MBD5: variants seen among roughly 807,000 people sequenced by gnomAD.
MBD5 encodes the protein methyl-CpG binding domain protein 5, also known as methyl-CpG-binding domain protein 5.
A neutral mutation model predicts 117.3 loss-of-function variants in MBD5; 13 were observed. That is an observed-to-expected ratio of 0.11 (90% CI 0.07 to 0.18). The LOEUF is 0.18. MBD5 is among the 10% of genes least tolerant of loss of function. MBD5 has a pLI of 1.00. For synonymous variants in MBD5, 727 were observed against 766.4 expected (o/e 0.95, Z 0.85); for missense variants, 1,879 against 2,093.8 (o/e 0.90, Z 2.00).
At chr2:148,327,140 T>C (rs1247581466) in intron 3 of MBD5, among the ~76,000 whole-genome samples, 1 of 152,094 alleles carries the variant, frequency 6.6e-6, no homozygotes. Flanking sequence ...AAAATTCTTT[T>C]CTTTAAGAAT....
Position 148,021,477 on chromosome 2 carries a change from GC to G in MBD5, c.-1131del. 1.7e-6 allele frequency: 1 copy of G among 578,708 alleles called. No individual in the cohort carries two copies. Among genetic ancestry groups the G allele is most frequent in the Non-Finnish European group, 3.3e-6 (1 of 300,524 alleles). The allele number at this position is 578,708 out of a possible 1,614,324, so 35.8% of individuals were successfully genotyped here. On this transcript the variant is annotated 5_prime_UTR_variant, in exon 1 of 14. Transcript: ENST00000642680. ...TGCTGCTGCTGTTGCTGCTGCTGCT[GC>G]TGTTGCTGCTGCTGCTGCTACTGCT...
chr2:148,413,003 G>A (rs930366318), intron 4 of MBD5, among the ~76,000 whole-genome samples: 5 of 152,040 alleles, frequency 3.3e-5, no homozygotes, highest in Non-Finnish European at 7.4e-5. Context: ...TGATCAATAG[G>A]AGTGGTGAGA....
chr2:148,129,667 A>G (rs1232541012), intron 1 of MBD5, among the ~76,000 whole-genome samples: 1 of 152,224 alleles, frequency 6.6e-6, no homozygotes, highest in East Asian at 1.9e-4. Flanking sequence ...TTTTAAGAGT[A>G]TAGCAATTTA....
chr2:148,461,787 A>G (rs1707090822), intron 5 of MBD5, among the ~76,000 whole-genome samples: 1 of 152,210 alleles, frequency 6.6e-6, no homozygotes, highest in Admixed American at 6.5e-5. Flanking sequence ...CTGAATTACT[A>G]CTTAATCTGT....
chr2:148,405,195 A>C (rs1705038704), intron 4 of MBD5, among the ~76,000 whole-genome samples: 1 of 152,218 alleles, frequency 6.6e-6, no homozygotes, highest in Admixed American at 6.5e-5. Flanking sequence ...GGATAGAAAA[A>C]ATATTTGATC....
chr2:148,440,224 ATCAG>A (rs988944412), intron 4 of MBD5, among the ~76,000 whole-genome samples: 1 of 152,246 alleles, frequency 6.6e-6, no homozygotes, highest in African/African-American at 2.4e-5. Context: ...GAAATTAAAG[ATCAG>A]TTTAAATGTG....
At chr2:148,243,310 C>T (rs1424296222) in intron 3 of MBD5, among the ~76,000 whole-genome samples, 4 of 146,860 alleles carry the variant, frequency 2.7e-5, no homozygotes, top group African/African-American at 7.4e-5. Context: ...ATAATAGTAG[C>T]TCTGAGAAAT....
intron 1 of MBD5, among the ~76,000 whole-genome samples, chr2:148,064,921 T>C (rs1329764476): frequency 1.3e-5 from 2 of 152,170 alleles, no homozygotes; most frequent in Non-Finnish European, 2.9e-5. Flanking sequence ...TCTGATAACA[T>C]ACCTGAGAGC....
At chr2:148,029,105 A>T (rs1226455935) in intron 1 of MBD5, among the ~76,000 whole-genome samples, 1 of 152,236 alleles carries the variant, frequency 6.6e-6, no homozygotes, top group South Asian at 2.1e-4. Context: ...AAATATCACT[A>T]ATAGTGATGA....
chr2:148,082,683 A>C (rs1023466108), intron 1 of MBD5, among the ~76,000 whole-genome samples: 8 of 152,210 alleles, frequency 5.3e-5, no homozygotes, highest in African/African-American at 2.4e-5. Context: ...TCACACATCT[A>C]CAACTCAATT....
chr2:148,169,400 A>T (rs530714022), intron 1 of MBD5, among the ~76,000 whole-genome samples: 1 of 152,284 alleles, frequency 6.6e-6, no homozygotes, highest in East Asian at 1.9e-4. Context: ...CAAGCCCAAT[A>T]CATTGATAAG....
chr2:148,491,059 C>T (rs1324451448), intron 11 of MBD5, among the ~76,000 whole-genome samples: 1 of 152,196 alleles, frequency 6.6e-6, no homozygotes, highest in African/African-American at 2.4e-5. Flanking sequence ...GTGGCACACA[C>T]AGCTGGGAAG....
intron 1 of MBD5, among the ~76,000 whole-genome samples, chr2:148,160,895 TC>T (rs1408122788): frequency 6.6e-6 from 1 of 152,224 alleles, no homozygotes; most frequent in Admixed American, 6.5e-5. Context: ...TATCCTCAAC[TC>T]TGTGTTCTTA....
rs1681484510 is a variant in MBD5 at position 148,490,359 on chromosome 2, A to C, written c.4727A>C (p.Lys1576Thr). Residue 1576 changes from lysine to threonine, a missense_variant, in exon 11 of 14, where the codon AAA becomes ACA. This residue lies in a region of MBD5 where 1,666 missense variants were observed against 1,792.2 expected (regional missense o/e 0.93). Transcript: ENST00000642680. ...CATTACAATGGAGACTTTAATGCCAAAAGCGTTAATGGGTGTGTGCCTAGC... is the reference window on the plus strand; with the variant it reads ...CATTACAATGGAGACTTTAATGCCACAAGCGTTAATGGGTGTGTGCCTAGC... The part of the protein sequence containing the change: ...YIHYNGDFNA[K>T]SVNGCVPSPS... 4 of 1,614,094 alleles carry C rather than the reference A, an allele frequency of 2.5e-6. No individual in the cohort carries two copies. Among genetic ancestry groups the C allele is most frequent in the African/African-American group, 1.3e-5 (1 of 74,928 alleles).
At chr2:148,437,779 C>A (rs1220642437) in intron 4 of MBD5, among the ~76,000 whole-genome samples, 1 of 151,928 alleles carries the variant, frequency 6.6e-6, no homozygotes, top group South Asian at 2.1e-4. Flanking sequence ...AATATATAAA[C>A]ACATATTACT....
In MBD5 at chr2:148,400,647, A is replaced by T. The variant is rs577263068; in HGVS notation, c.-556-57556A>T. Among the ~76,000 whole-genome samples, 12 of 152,340 alleles carry T rather than the reference A, an allele frequency of 7.9e-5. 1 individual carries two copies. In the South Asian group the frequency reaches 2.5e-3, roughly 32 times the overall value. ...GGAAAAGCTTTCAGTAAATCAGAAG[A>T]GTTCCCCATTGTAACATAAGCTCTG... On this transcript the variant is annotated intron_variant, in intron 4 of 13. Transcript: ENST00000642680.
Position 148,504,001 on chromosome 2 carries a change from A to ATT in MBD5, c.5036+1493_5036+1494insTT, listed in dbSNP as rs573049406. Among the ~76,000 whole-genome samples the ATT allele has an allele frequency of 5.9e-5, 9 of 152,374 alleles. No individual in the cohort carries two copies. The East Asian group carries it at 1.7e-3, about 29-fold the overall frequency. On this transcript the variant is annotated intron_variant, in intron 12 of 13. Coordinates refer to ENST00000642680, the MANE Select transcript of MBD5 (RefSeq NM_001378120.1). Reference sequence around the variant, plus strand: ...AAATAAAGTTAATAACAGAAATAAAATAACTCCTCCAAATATTCAAATACA... The same window carrying ATT: ...AAATAAAGTTAATAACAGAAATAAAATTTAACTCCTCCAAATATTCAAATACA...
intron 1 of MBD5, among the ~76,000 whole-genome samples, chr2:148,087,391 G>T (rs1695822604): frequency 6.6e-6 from 1 of 152,206 alleles, no homozygotes; most frequent in Non-Finnish European, 1.5e-5. Flanking sequence ...CCATGTGACT[G>T]TCACTGCTAC....
chr2:148,390,760 T>G (rs1704549685), intron 4 of MBD5, among the ~76,000 whole-genome samples: 2 of 151,952 alleles, frequency 1.3e-5, no homozygotes, highest in Admixed American at 1.3e-4. Flanking sequence ...AGATGGAGTT[T>G]CACCATGTTG....
Sources: gnomAD v4.1 joint callset for allele counts (sites outside exome capture counted in the v4.1 genomes callset) on GRCh38, gnomAD v4.1.1 for gene constraint, gnomAD v4.1.1 regional missense constraint, MANE v1.5 for transcripts, NCBI Gene and HGNC (gene_info 2026-07-23, HGNC 2026-07-21) for gene names.